ATP6V0D2: variants seen among roughly 807,000 people sequenced by gnomAD.
ATP6V0D2 encodes V-type proton ATPase subunit d 2.
In ATP6V0D2, 40 loss-of-function variants were observed where a neutral mutation model predicts 40.0. That is an observed-to-expected ratio of 1.00 (90% CI 0.78 to 1.30). The LOEUF is 1.30. Among genes scored for constraint, ATP6V0D2 ranks in the 50% most tolerant of loss-of-function variants. The pLI is 0.00. For missense variants in ATP6V0D2, 470 were observed against 423.1 expected (o/e 1.11, Z -0.97); for synonymous variants, 179 against 156.3 (o/e 1.15, Z -1.08).
chr8:86,121,362 G>A (rs567201840), intron 2 of ATP6V0D2, among the ~76,000 whole-genome samples: 53 of 152,298 alleles, frequency 3.5e-4, no homozygotes, highest in Admixed American at 1.8e-3. Flanking sequence ...TTGAGGTCAG[G>A]AGTTTGAGAC....
intron 1 of ATP6V0D2, among the ~76,000 whole-genome samples, chr8:86,109,674 G>A (rs1818508322): frequency 6.6e-6 from 1 of 152,158 alleles, no homozygotes; most frequent in African/African-American, 2.4e-5. Flanking sequence ...CCTTGGTGCT[G>A]AGAATTCAAA....
intron 2 of ATP6V0D2, among the ~76,000 whole-genome samples, chr8:86,137,726 A>C (rs1338266672): frequency 6.6e-6 from 1 of 152,070 alleles, no homozygotes. Flanking sequence ...TCACCCCAAA[A>C]ACTAAAAGCA....
chr8:86,110,452 G>A (rs1324169117), intron 1 of ATP6V0D2, among the ~76,000 whole-genome samples: 1 of 152,216 alleles, frequency 6.6e-6, no homozygotes, highest in Admixed American at 6.5e-5. Context: ...GTTTGTTGAG[G>A]CAGAAATAGT....
At chr8:86,144,170 A>C (rs1193845889) in intron 5 of ATP6V0D2, among the ~76,000 whole-genome samples, 1 of 152,222 alleles carries the variant, frequency 6.6e-6, no homozygotes, top group Non-Finnish European at 1.5e-5. Context: ...GTCCTCTTGC[A>C]TAAGAATGTT....
At chr8:86,150,028 C>T in intron 5 of ATP6V0D2, 84 bp from the exon 6 acceptor site, 2 of 1,273,448 alleles carry the variant, frequency 1.6e-6, no homozygotes, top group Non-Finnish European at 2.2e-6. Flanking sequence ...CGAATCATTT[C>T]AGAAATGAAT....
intron 2 of ATP6V0D2, among the ~76,000 whole-genome samples, chr8:86,129,551 C>A (rs183430327): frequency 7.2e-5 from 11 of 152,100 alleles, no homozygotes; most frequent in Admixed American, 6.6e-4. Context: ...GTGTTTCATG[C>A]CTGTAATCCC....
intron 1 of ATP6V0D2, among the ~76,000 whole-genome samples, chr8:86,107,242 G>A (rs1244417877): frequency 6.6e-6 from 1 of 151,996 alleles, no homozygotes; most frequent in African/African-American, 2.4e-5. Context: ...GAGATGTCAG[G>A]ACATTCAGCA....
At chr8:86,134,125 C>T (rs1228529909) in intron 2 of ATP6V0D2, among the ~76,000 whole-genome samples, 1 of 152,062 alleles carries the variant, frequency 6.6e-6, no homozygotes, top group Admixed American at 6.6e-5. Context: ...TAGCAGATTT[C>T]TCATTAGGCA....
chr8:86,108,755 A>T (rs1048334553), intron 1 of ATP6V0D2, among the ~76,000 whole-genome samples: 1 of 152,186 alleles, frequency 6.6e-6, no homozygotes, highest in African/African-American at 2.4e-5. Context: ...TTCTAAAAAT[A>T]GTCTGCCAAC....
chr8:86,130,092 G>A (rs962062814), intron 2 of ATP6V0D2, among the ~76,000 whole-genome samples: 2 of 151,808 alleles, frequency 1.3e-5, no homozygotes, highest in African/African-American at 4.8e-5. Context: ...TTCCCCATCA[G>A]GTCACCAAAA....
At chr8:86,146,011 T>C (rs1284874116) in intron 5 of ATP6V0D2, among the ~76,000 whole-genome samples, 1 of 152,178 alleles carries the variant, frequency 6.6e-6, no homozygotes, top group African/African-American at 2.4e-5. Flanking sequence ...TTACCCGACG[T>C]CTCACAGCTA....
At chr8:86,127,770 A>G (rs991291519) in intron 2 of ATP6V0D2, among the ~76,000 whole-genome samples, 1 of 152,194 alleles carries the variant, frequency 6.6e-6, no homozygotes, top group Admixed American at 6.5e-5. Flanking sequence ...TGTATGTATA[A>G]TTGTTACCTA....
chr8:86,133,042 T>G (rs933003353), intron 2 of ATP6V0D2, among the ~76,000 whole-genome samples: 2 of 152,174 alleles, frequency 1.3e-5, no homozygotes, highest in Admixed American at 1.3e-4. Flanking sequence ...TAAGATGCTA[T>G]CTTATTGTGG....
rs756354571 is a variant in ATP6V0D2 at position 86,142,891 on chromosome 8, ATTCTAT to A, written c.577_582del (p.Phe193_Tyr194del). On this transcript the variant is annotated inframe_deletion, in exon 5 of 8. Coordinates refer to ENST00000285393, the MANE Select transcript of ATP6V0D2 (RefSeq NM_152565.1). ...TTCTTTTTAAGTCTTACCTTGAGGC[ATTCTAT>A]AAATTCTGTAAGAATCATGGTGATG... is the stretch of plus-strand genomic sequence containing the variant. The A allele has an allele frequency of 4.9e-5, 79 of 1,606,100 alleles. No homozygotes were observed. Among genetic ancestry groups the A allele is most frequent in the Non-Finnish European group, 6.0e-5 (70 of 1,174,562 alleles).
intron 2 of ATP6V0D2, among the ~76,000 whole-genome samples, chr8:86,137,336 T>C (rs998447024): frequency 1.6e-4 from 25 of 151,784 alleles, no homozygotes; most frequent in African/African-American, 6.1e-4. Context: ...CCTAAAATTC[T>C]CTCCCCTGAT....
chr8:86,099,168 C>T lies in ATP6V0D2; in HGVS notation c.130+60C>T, dbSNP rs1211816890. Reference sequence around the variant, plus strand: ...AAAAAAAAAATGAAATGATGTCCCTCTCCAGAAGCATGGAGAAAAAAAGCC... The same window carrying T: ...AAAAAAAAAATGAAATGATGTCCCTTTCCAGAAGCATGGAGAAAAAAAGCC... On this transcript the variant is annotated intron_variant, in intron 1 of 7. Transcript: ENST00000285393. The T allele has an allele frequency of 4.7e-6, 7 of 1,493,164 alleles. No individual in the cohort carries two copies. In the East Asian group the frequency reaches 1.2e-4, roughly 26 times the overall value. 92.5% of individuals were successfully genotyped at this position (1,493,164 alleles called of 1,614,324 possible). A position where few individuals can be genotyped will look rare whatever the true frequency, so the allele number is the denominator to read the frequency against.
intron 1 of ATP6V0D2, among the ~76,000 whole-genome samples, chr8:86,106,149 G>A (rs1302129115): frequency 1.3e-5 from 2 of 151,380 alleles, no homozygotes; most frequent in Admixed American, 1.3e-4. Flanking sequence ...TTTGAGACAG[G>A]GTCTCATTCT....
chr8:86,124,268 C>T (rs1027712498), intron 2 of ATP6V0D2, among the ~76,000 whole-genome samples: 11 of 152,222 alleles, frequency 7.2e-5, no homozygotes, highest in Admixed American at 2.0e-4. Flanking sequence ...AAAACACTGG[C>T]GCTATTCTGC....
rs1179702746 is a variant in ATP6V0D2, at chr8:86,116,886, GA to G, written c.302+3007del. 3.3e-5 allele frequency among the ~76,000 whole-genome samples: 5 copies of G among 152,088 alleles called. No homozygotes were observed. The East Asian group carries it at 9.7e-4, about 29-fold the overall frequency. ...TGTCCTTTTACCATTACCAACATTG[GA>G]TATTTTCTTTTTAATTTTTGCCAGT... On this transcript the variant is annotated intron_variant, in intron 2 of 7. Transcript: ENST00000285393.
Sources: gnomAD v4.1 joint callset for allele counts (sites outside exome capture counted in the v4.1 genomes callset) on GRCh38, gnomAD v4.1.1 for gene constraint, MANE v1.5 for transcripts, NCBI Gene and HGNC (gene_info 2026-07-23, HGNC 2026-07-21) for gene names.